ROBO2: variants seen among roughly 807,000 people sequenced by gnomAD.
The protein encoded by ROBO2 is roundabout homolog 2.
ROBO2 carries 53 observed loss-of-function variants against 160.8 expected under a neutral mutation model. That is an observed-to-expected ratio of 0.33 (90% CI 0.26 to 0.41). The LOEUF (loss-of-function observed/expected upper bound fraction) is 0.41. Among genes scored for constraint, ROBO2 ranks in the 10% least tolerant of loss-of-function variants. ROBO2 has a pLI of 1.00. For missense variants in ROBO2, 1,577 were observed against 1,722.4 expected, an observed-to-expected ratio of 0.92 and a Z score of 1.49; for synonymous variants, 664 against 611.7, an observed-to-expected ratio of 1.09 and a Z score of -1.26.
rs370247758 is a variant in ROBO2 at position 76,565,090 on chromosome 3, T to G, written c.110-532924T>G. 7.2e-5 allele frequency among the ~76,000 whole-genome samples: 11 copies of G among 152,192 alleles called. No homozygotes were observed. The South Asian group carries it at 2.1e-3, about 29-fold the overall frequency. ...CCTTTTGTGATAACAATTAGCCATCTGAAGCTAAAGTGATCTTGGAATGGC... is the reference window on the plus strand; with the variant it reads ...CCTTTTGTGATAACAATTAGCCATCGGAAGCTAAAGTGATCTTGGAATGGC... On this transcript the variant is annotated intron_variant, in intron 2 of 26. Transcript: ENST00000487694.
chr3:76,707,911 G>A (rs2093204589), intron 2 of ROBO2, among the ~76,000 whole-genome samples: 3 of 151,820 alleles, frequency 2.0e-5, no homozygotes, highest in Non-Finnish European at 4.4e-5. Context: ...CCAAAATTAC[G>A]AATCTTGAAC....
chr3:77,241,664 C>T (rs1453428067), intron 2 of ROBO2, among the ~76,000 whole-genome samples: 3 of 152,142 alleles, frequency 2.0e-5, no homozygotes, highest in Admixed American at 1.3e-4. Context: ...GGAGAAAATT[C>T]GGGTGCAGAC....
chr3:76,657,732 GTGTATATATATTCATATATA>G lies in ROBO2; in HGVS notation c.110-440270_110-440251del, dbSNP rs1368668148. Among the ~76,000 whole-genome samples the G allele has an allele frequency of 3.4e-4, 47 of 137,238 alleles. No homozygotes were observed. In the East Asian group the frequency reaches 9.3e-3, roughly 27 times the overall value. 90.0% of individuals were successfully genotyped at this position (137,238 alleles called of 152,430 possible). On this transcript the variant is annotated intron_variant, in intron 2 of 26. Transcript: ENST00000487694. ...TGTGTGTATATATATTCATATATGA[GTGTATATATATTCATATATA>G]TGTATATATATATGTTCATAGGTAT...
intron 2 of ROBO2, among the ~76,000 whole-genome samples, chr3:76,049,574 A>G (rs781360319): frequency 1.2e-4 from 18 of 151,554 alleles, no homozygotes; most frequent in Non-Finnish European, 1.3e-4. Flanking sequence ...TATGTATTAA[A>G]TATTCCAACA....
chr3:76,614,126 C>T (rs55896267), intron 2 of ROBO2, among the ~76,000 whole-genome samples: 3,310 of 152,130 alleles, frequency 0.022, 116 homozygotes, highest in African/African-American at 0.075. Flanking sequence ...AATGTAGAGG[C>T]AAAGACAAAT....
At chr3:76,308,746 G>A (rs1324903249) in intron 2 of ROBO2, among the ~76,000 whole-genome samples, 6 of 152,212 alleles carry the variant, frequency 3.9e-5, no homozygotes, top group African/African-American at 1.4e-4. Context: ...CTGGAAGAGA[G>A]TGACTTCCCT....
At chr3:76,824,741 G>C (rs1285580067) in intron 2 of ROBO2, among the ~76,000 whole-genome samples, 1 of 152,148 alleles carries the variant, frequency 6.6e-6, no homozygotes, top group Non-Finnish European at 1.5e-5. Flanking sequence ...CAGGTATAGA[G>C]AGCAGTTACT....
At chr3:76,692,987 T>C (rs922265037) in intron 2 of ROBO2, among the ~76,000 whole-genome samples, 2 of 150,308 alleles carry the variant, frequency 1.3e-5, no homozygotes, top group African/African-American at 4.9e-5. Context: ...TATACACATA[T>C]GTGTATGTAT....
At chr3:76,052,656 T>G (rs977640616) in intron 2 of ROBO2, among the ~76,000 whole-genome samples, 1 of 152,090 alleles carries the variant, frequency 6.6e-6, no homozygotes, top group Admixed American at 6.5e-5. Flanking sequence ...CAGAAATCTT[T>G]GTAATCCTTC....
intron 2 of ROBO2, among the ~76,000 whole-genome samples, chr3:77,024,966 T>A (rs1276569240): frequency 1.3e-5 from 2 of 151,962 alleles, no homozygotes; most frequent in African/African-American, 4.8e-5. Flanking sequence ...TTAGCTGTTT[T>A]TTTTTGTTTG....
intron 2 of ROBO2, among the ~76,000 whole-genome samples, chr3:76,136,923 C>T (rs561962149): frequency 8.6e-5 from 13 of 151,590 alleles, no homozygotes; most frequent in East Asian, 1.9e-4. Context: ...ATGTAGGGGG[C>T]GGAAATCAAG....
chr3:77,535,290 G>C (rs1383182679), intron 6 of ROBO2, among the ~76,000 whole-genome samples: 1 of 151,530 alleles, frequency 6.6e-6, no homozygotes, highest in Non-Finnish European at 1.5e-5. Context: ...AGCCCTCGTG[G>C]TTTAGCTGGA....
chr3:76,244,323 C>CT (rs1281034992), intron 2 of ROBO2, among the ~76,000 whole-genome samples: 5 of 152,148 alleles, frequency 3.3e-5, no homozygotes, highest in African/African-American at 1.2e-4. Flanking sequence ...TAATTTGGTG[C>CT]TATGTCCCCT....
intron 2 of ROBO2, among the ~76,000 whole-genome samples, chr3:77,260,444 T>G (rs2058702532): frequency 6.6e-6 from 1 of 152,140 alleles, no homozygotes; most frequent in African/African-American, 2.4e-5. Context: ...TTGAGTTATT[T>G]GAAGATTCAC....
At chr3:77,107,067 C>G (rs2072902317) in intron 2 of ROBO2, among the ~76,000 whole-genome samples, 1 of 152,128 alleles carries the variant, frequency 6.6e-6, no homozygotes, top group Admixed American at 6.5e-5. Context: ...AGTTCTGGAG[C>G]CTATAAGCCT....
chr3:76,114,131 A>G (rs2070360538), intron 2 of ROBO2, among the ~76,000 whole-genome samples: 1 of 152,170 alleles, frequency 6.6e-6, no homozygotes, highest in Non-Finnish European at 1.5e-5. Context: ...AAAATGGAAC[A>G]ACATACCTCA....
chr3:77,000,850 G>A (rs940665187), intron 2 of ROBO2, among the ~76,000 whole-genome samples: 28 of 152,106 alleles, frequency 1.8e-4, no homozygotes, highest in African/African-American at 6.3e-4. Flanking sequence ...GTTTAACAGT[G>A]TGTTCACAGA....
intron 2 of ROBO2, among the ~76,000 whole-genome samples, chr3:76,328,323 A>C (rs1306380752): frequency 2.0e-5 from 3 of 152,218 alleles, no homozygotes; most frequent in African/African-American, 4.8e-5. Flanking sequence ...AGATATTCCC[A>C]AAAGTATTCA....
At chr3:77,110,135 A>G (rs55756200) in intron 2 of ROBO2, among the ~76,000 whole-genome samples, 8,994 of 152,312 alleles carry the variant, frequency 0.059, 343 homozygotes, top group Admixed American at 0.1. Flanking sequence ...ATTAGCATCA[A>G]GAAAATCCAT....
Sources: gnomAD v4.1 joint callset for allele counts (sites outside exome capture counted in the v4.1 genomes callset) on GRCh38, gnomAD v4.1.1 for gene constraint, MANE v1.5 for transcripts, NCBI Gene and HGNC (gene_info 2026-07-23, HGNC 2026-07-21) for gene names.